Variants in TAFA2 observed in about 807,000 individuals in gnomAD.
TAFA2 encodes chemokine-like protein TAFA-2.
A neutral mutation model predicts 18.8 loss-of-function variants in TAFA2; 7 were observed. The observed-to-expected ratio is 0.37, with a 90% confidence interval of 0.21 to 0.70. The LOEUF (loss-of-function observed/expected upper bound fraction) is 0.70. Among genes scored for constraint, TAFA2 ranks in the 30% least tolerant of loss-of-function variants. TAFA2 has a pLI of 0.53. For missense variants in TAFA2, 122 were observed against 158.1 expected (o/e 0.77, Z 1.23); for synonymous variants, 60 against 54.2 (o/e 1.11, Z -0.47).
At chr12:62,223,057 A>T (rs1469245954) in intron 1 of TAFA2, among the ~76,000 whole-genome samples, 1 of 152,212 alleles carries the variant, frequency 6.6e-6, no homozygotes, top group African/African-American at 2.4e-5. Context: ...GATTAGAAAG[A>T]CTCAGCTGTA....
chr12:61,843,162 GGGGAAA>G (rs1873259191), intron 2 of TAFA2, among the ~76,000 whole-genome samples: 2 of 151,944 alleles, frequency 1.3e-5, no homozygotes, highest in Admixed American at 1.3e-4. Context: ...AAAAGCATAT[GGGGAAA>G]AAGAGGGCAA....
intron 1 of TAFA2, among the ~76,000 whole-genome samples, chr12:62,051,194 C>T (rs1044616642): frequency 6.6e-6 from 1 of 152,162 alleles, no homozygotes; most frequent in African/African-American, 2.4e-5. Flanking sequence ...ACCACTCTCC[C>T]ATTCATCCAT....
At chr12:61,922,135 T>C (rs1360111899) in intron 1 of TAFA2, among the ~76,000 whole-genome samples, 4 of 152,082 alleles carry the variant, frequency 2.6e-5, no homozygotes, top group Non-Finnish European at 5.9e-5. Context: ...TGCAAAATAA[T>C]GGAGCAGTTG....
At chr12:62,081,904 C>G (rs1181182995) in intron 1 of TAFA2, among the ~76,000 whole-genome samples, 2 of 152,142 alleles carry the variant, frequency 1.3e-5, no homozygotes, top group African/African-American at 4.8e-5. Flanking sequence ...GGTATTAGGC[C>G]CAGCATCCGT....
intron 4 of TAFA2, among the ~76,000 whole-genome samples, chr12:61,715,449 T>C (rs1001123923): frequency 1.3e-5 from 2 of 151,808 alleles, no homozygotes; most frequent in African/African-American, 4.8e-5. Flanking sequence ...CCTGGGTTCA[T>C]GCCATTCTCC....
chr12:62,070,220 T>A (rs1436266593), intron 1 of TAFA2, among the ~76,000 whole-genome samples: 1 of 152,194 alleles, frequency 6.6e-6, no homozygotes, highest in East Asian at 1.9e-4. Context: ...TTAATCTCTT[T>A]CTAATACTGA....
At chr12:62,071,280 C>T (rs749606310) in intron 1 of TAFA2, among the ~76,000 whole-genome samples, 6 of 152,028 alleles carry the variant, frequency 3.9e-5, no homozygotes, top group African/African-American at 7.2e-5. Context: ...CTCTCGGACC[C>T]GGGAAGGTCA....
chr12:61,733,418 A>G (rs1868254671), intron 4 of TAFA2, among the ~76,000 whole-genome samples: 1 of 152,074 alleles, frequency 6.6e-6, no homozygotes, highest in Non-Finnish European at 1.5e-5. Context: ...CTAACGTTTA[A>G]GTCTTTAATC....
At chr12:62,039,459 C>T (rs145769883) in intron 1 of TAFA2, among the ~76,000 whole-genome samples, 2 of 152,070 alleles carry the variant, frequency 1.3e-5, no homozygotes, top group South Asian at 2.1e-4. Context: ...AAATTTTTCA[C>T]TGGGTTCTTA....
chr12:61,937,859 T>C (rs528642585), intron 1 of TAFA2, among the ~76,000 whole-genome samples: 2 of 150,930 alleles, frequency 1.3e-5, no homozygotes, highest in Non-Finnish European at 3.0e-5. Flanking sequence ...ATCATCAGAG[T>C]AAACAACCCA....
In TAFA2 at chr12:62,011,174, C is replaced by T. The variant is rs914945388; in HGVS notation, c.-1-143748G>A. ...CTGGGAAATGAGGAGTGCCTCTGCC[C>T]GGCTGCCCCGTCTGGGAAGTGAGGA... On this transcript the variant is annotated intron_variant, in intron 1 of 4. Coordinates refer to ENST00000416284, the MANE Select transcript of TAFA2 (RefSeq NM_178539.5). Among the ~76,000 whole-genome samples, 10 of 151,104 alleles carry T rather than the reference C, an allele frequency of 6.6e-5. No homozygotes were observed. In the East Asian group the frequency reaches 1.4e-3, roughly 21 times the overall value.
chr12:61,875,197 C>T (rs922599475), intron 1 of TAFA2, among the ~76,000 whole-genome samples: 3 of 152,056 alleles, frequency 2.0e-5, no homozygotes, highest in Admixed American at 6.5e-5. Context: ...TTCATTCTCA[C>T]GTGCCCTGTT....
chr12:61,872,045 C>T lies in TAFA2; in HGVS notation c.-1-4619G>A, dbSNP rs148195766. ...AGGTAGAGCTTGCAGTGAGCTCATA[C>T]TGCGCCACCGCACTCCATTTAATTG... On this transcript the variant is annotated intron_variant, in intron 1 of 4. Transcript: ENST00000416284. Among the ~76,000 whole-genome samples the T allele has an allele frequency of 1.7e-3, 257 of 148,088 alleles. 2 individuals carry two copies. The highest frequency in any genetic ancestry group is 6.2e-3 in the African/African-American group (247 of 39,762).
At chr12:62,227,865 G>A (rs1362316234) in intron 1 of TAFA2, among the ~76,000 whole-genome samples, 5 of 152,066 alleles carry the variant, frequency 3.3e-5, no homozygotes, top group Non-Finnish European at 7.4e-5. Flanking sequence ...TGAAGAGACT[G>A]CCCTTTCCCC....
chr12:62,043,877 G>T (rs905561651), intron 1 of TAFA2, among the ~76,000 whole-genome samples: 1 of 152,132 alleles, frequency 6.6e-6, no homozygotes, highest in East Asian at 1.9e-4. Flanking sequence ...TAGATTGAAG[G>T]CTGTATTAAC....
At chr12:62,185,613 A>T (rs1000441758) in intron 1 of TAFA2, among the ~76,000 whole-genome samples, 7 of 152,214 alleles carry the variant, frequency 4.6e-5, no homozygotes, top group African/African-American at 1.7e-4. Flanking sequence ...TGGTAACAGT[A>T]ACCAGGTTTC....
At chr12:62,103,346 T>A (rs1435306994) in intron 1 of TAFA2, among the ~76,000 whole-genome samples, 1 of 152,194 alleles carries the variant, frequency 6.6e-6, no homozygotes, top group African/African-American at 2.4e-5. Flanking sequence ...AATCACACAC[T>A]TACCCCATCA....
At chr12:62,122,133 C>G (rs1287494031) in intron 1 of TAFA2, among the ~76,000 whole-genome samples, 4 of 152,142 alleles carry the variant, frequency 2.6e-5, no homozygotes, top group Non-Finnish European at 5.9e-5. Flanking sequence ...AGGTTTAATA[C>G]CTGGGTGATG....
intron 4 of TAFA2, among the ~76,000 whole-genome samples, chr12:61,722,818 T>A (rs1405168616): frequency 2.0e-5 from 3 of 152,138 alleles, no homozygotes; most frequent in Admixed American, 2.0e-4. Context: ...TTCCACCTGG[T>A]GTGTATAATT....
Sources: allele counts gnomAD v4.1 joint callset (sites outside exome capture counted in the v4.1 genomes callset), GRCh38; gene constraint gnomAD v4.1.1; transcripts MANE v1.5; gene names NCBI Gene and HGNC (gene_info 2026-07-23, HGNC 2026-07-21).